The following LHPP variants were observed in gnomAD, a reference collection of about 807,000 sequenced individuals.
LHPP encodes hLHPP.
Under a neutral mutation model 30.3 loss-of-function variants are expected in LHPP, and 24 were observed. The ratio of observed to expected loss-of-function variants is 0.79; its 90% CI spans 0.57 to 1.11. LHPP has a LOEUF of 1.11. Ranked by LOEUF, LHPP falls within the 50% of genes most tolerant of loss-of-function variation. The pLI is 0.00. For synonymous variants in LHPP, 150 were observed against 157.1 expected (o/e 0.95, Z 0.34); for missense variants, 356 against 367.2 (o/e 0.97, Z 0.25).
chr10:124,547,431 C>G (rs1589852810), intron 6 of LHPP, among the ~76,000 whole-genome samples: 1 of 152,244 alleles, frequency 6.6e-6, no homozygotes, highest in African/African-American at 2.4e-5. Context: ...AAGGAAAGTT[C>G]TAGAAGAGTC....
chr10:124,593,324 C>T lies in LHPP; in HGVS notation c.717-19940C>T, dbSNP rs1047339674. ...CCAGGCTGCGCTCTCGGGAGGGAAA[C>T]AGACTCTTATCCTCTTAGGTACAGC... On this transcript the variant is annotated intron_variant, in intron 6 of 6. Coordinates refer to ENST00000368842, the MANE Select transcript of LHPP (RefSeq NM_022126.4). The surrounding 1 kb of genome is among the most constrained non-coding windows in gnomAD (Gnocchi z 4.9). Among the ~76,000 whole-genome samples, 1 of 150,218 alleles carries T rather than the reference C, an allele frequency of 6.7e-6. No homozygotes were observed. The highest frequency in any genetic ancestry group is 2.1e-4 in the South Asian group (1 of 4,728).
intron 6 of LHPP, among the ~76,000 whole-genome samples, chr10:124,518,273 G>A (rs1008163086): frequency 1.3e-5 from 2 of 152,196 alleles, no homozygotes; most frequent in African/African-American, 4.8e-5. Flanking sequence ...TCTTGAAGTT[G>A]GGTTTTGTGG....
At chr10:124,489,924 GA>G (rs35291317) in intron 3 of LHPP, 30,735 of 190,278 alleles carry the variant, frequency 0.16, 2,948 homozygotes, top group Non-Finnish European at 0.2. Context: ...GCACCAGGGG[GA>G]CAGCACTCCA....
intron 6 of LHPP, among the ~76,000 whole-genome samples, chr10:124,546,637 C>T (rs571373679): frequency 8.9e-4 from 136 of 152,126 alleles, no homozygotes; most frequent in Admixed American, 3.1e-3. Flanking sequence ...GTCTTGATCT[C>T]CTGACCTCAT....
intron 1 of LHPP, among the ~76,000 whole-genome samples, chr10:124,466,571 C>G (rs1395397624): frequency 6.6e-6 from 1 of 152,098 alleles, no homozygotes; most frequent in African/African-American, 2.4e-5. Flanking sequence ...ATTATCCTGC[C>G]TCAGCCTCCC....
intron 6 of LHPP, among the ~76,000 whole-genome samples, chr10:124,587,207 G>A (rs1948815969): frequency 6.6e-6 from 1 of 151,528 alleles, no homozygotes; most frequent in Admixed American, 6.6e-5. Flanking sequence ...AATTATTTTT[G>A]TATTTTCAGT....
At chr10:124,572,104 C>T (rs1006090853) in intron 6 of LHPP, among the ~76,000 whole-genome samples, 1 of 152,158 alleles carries the variant, frequency 6.6e-6, no homozygotes, top group Non-Finnish European at 1.5e-5. Flanking sequence ...CCAGGGCTGG[C>T]AGGCCTGCCG....
At chr10:124,480,793 T>C (rs1185865138) in intron 1 of LHPP, among the ~76,000 whole-genome samples, 1 of 152,258 alleles carries the variant, frequency 6.6e-6, no homozygotes, top group Non-Finnish European at 1.5e-5. Flanking sequence ...ACCCATCCTA[T>C]TGAAGAAGAC....
chr10:124,546,731 G>C (rs1231318005), intron 6 of LHPP, among the ~76,000 whole-genome samples: 1 of 152,130 alleles, frequency 6.6e-6, no homozygotes, highest in Non-Finnish European at 1.5e-5. Context: ...ATCTTGGTGG[G>C]TAAGGCAGGT....
intron 6 of LHPP, among the ~76,000 whole-genome samples, chr10:124,533,648 G>T (rs1172981982): frequency 6.6e-6 from 1 of 152,196 alleles, no homozygotes; most frequent in Non-Finnish European, 1.5e-5. Flanking sequence ...CCTTACCCCC[G>T]TGTGAGTGGA....
At chr10:124,538,821 C>T (rs955388240) in intron 6 of LHPP, among the ~76,000 whole-genome samples, 1 of 152,212 alleles carries the variant, frequency 6.6e-6, no homozygotes, top group Non-Finnish European at 1.5e-5. Flanking sequence ...AGTCATGGTC[C>T]TCAGAGCCCA....
intron 6 of LHPP, among the ~76,000 whole-genome samples, chr10:124,544,248 C>A (rs1270578704): frequency 6.6e-6 from 1 of 152,156 alleles, no homozygotes; most frequent in African/African-American, 2.4e-5. Flanking sequence ...CATGCTGGGT[C>A]CCCCCATCTC....
chr10:124,504,897 C>T (rs1020993283), intron 5 of LHPP, among the ~76,000 whole-genome samples: 4 of 152,140 alleles, frequency 2.6e-5, no homozygotes, highest in African/African-American at 4.8e-5. Flanking sequence ...TGGGGCAGTG[C>T]GTCTGGGAGG....
In LHPP at chr10:124,523,896, C is replaced by G. The variant is rs1281991439; in HGVS notation, c.716+6625C>G. ...CAATGAGTCCGTGAATCCCAGACATCCTCTCAGCAGCCCTCTGGTCCTGCC... is the reference window on the plus strand; with the variant it reads ...CAATGAGTCCGTGAATCCCAGACATGCTCTCAGCAGCCCTCTGGTCCTGCC... On this transcript the variant is annotated intron_variant, in intron 6 of 6. Transcript: ENST00000368842. The surrounding 1 kb of genome is among the most constrained non-coding windows in gnomAD (Gnocchi z 4.2). Among the ~76,000 whole-genome samples the G allele has an allele frequency of 6.6e-6, 1 of 152,192 alleles. No homozygotes were observed. Among genetic ancestry groups the G allele is most frequent in the South Asian group, 2.1e-4 (1 of 4,828 alleles).
rs904874105 is a variant in LHPP, at chr10:124,614,072, A to T, written c.*712A>T. 1 of 152,654 alleles carries T rather than the reference A, an allele frequency of 6.6e-6. No homozygotes were observed. The highest frequency in any genetic ancestry group is 1.5e-5 in the Non-Finnish European group (1 of 68,342). 9.5% of individuals were successfully genotyped at this position (152,654 alleles called of 1,614,324 possible). A position where few individuals can be genotyped will look rare whatever the true frequency, so the allele number is the denominator to read the frequency against. On this transcript the variant is annotated 3_prime_UTR_variant, in exon 7 of 7. Coordinates refer to ENST00000368842, the MANE Select transcript of LHPP (RefSeq NM_022126.4). The stretch of plus-strand genomic sequence containing the variant: ...ACTTTCTGGACCCACTGCTGGACAG[A>T]CTTGAAGGTGTCATGCCCGGTGTGT...
At chr10:124,520,163 G>A (rs1201843236) in intron 6 of LHPP, among the ~76,000 whole-genome samples, 1 of 151,970 alleles carries the variant, frequency 6.6e-6, no homozygotes, top group Non-Finnish European at 1.5e-5. Flanking sequence ...TTTAAGTTCA[G>A]GGGTACATGT....
chr10:124,538,729 C>T (rs1414090163), intron 6 of LHPP, among the ~76,000 whole-genome samples: 1 of 152,216 alleles, frequency 6.6e-6, no homozygotes, highest in Non-Finnish European at 1.5e-5. Context: ...AATTAACTAG[C>T]TCCTTCTCTC....
intron 6 of LHPP, among the ~76,000 whole-genome samples, chr10:124,527,490 G>A (rs935820697): frequency 1.3e-5 from 2 of 152,200 alleles, no homozygotes; most frequent in Non-Finnish European, 2.9e-5. Flanking sequence ...CCTCAGGTTG[G>A]GGACAGCCAG....
chr10:124,462,056 AG>A, intron 1 of LHPP, 69 bp downstream of exon 1: 1 of 1,154,304 alleles, frequency 8.7e-7, no homozygotes, highest in Non-Finnish European at 1.1e-6. Context: ...GGCTGCCGGC[AG>A]GGGGCGGGGC....
Sources: gnomAD v4.1 joint callset for allele counts (sites outside exome capture counted in the v4.1 genomes callset) on GRCh38, gnomAD v4.1.1 for gene constraint, Gnocchi (gnomAD v3.1) non-coding constraint, MANE v1.5 for transcripts, NCBI Gene and HGNC (gene_info 2026-07-23, HGNC 2026-07-21) for gene names.